NDUFAF7: variants seen among roughly 807,000 people sequenced by gnomAD.
NDUFAF7 encodes the protein protein arginine methyltransferase NDUFAF7, mitochondrial.
A neutral mutation model predicts 47.2 loss-of-function variants in NDUFAF7; 48 were observed. The observed-to-expected ratio is 1.02, with a 90% confidence interval of 0.81 to 1.29. The LOEUF is 1.29. Among genes scored for constraint, NDUFAF7 ranks in the 50% most tolerant of loss-of-function variants. The pLI is 0.00. For missense variants in NDUFAF7, 635 were observed against 537.6 expected (o/e 1.18, Z -1.79); for synonymous variants, 217 against 190.0 (o/e 1.14, Z -1.17).
chr2:37,255,710 TAAG>T (rs1417287798), downstream of NDUFAF7, among the ~76,000 whole-genome samples: 1 of 152,048 alleles, frequency 6.6e-6, no homozygotes, highest in Non-Finnish European at 1.5e-5. Context: ...AATGAATACT[TAAG>T]AAAAAAATGG....
chr2:37,269,440 T>G, the NDUFAF7 span: 4 of 602,790 alleles, frequency 6.6e-6, no homozygotes, highest in Non-Finnish European at 1.2e-5. Flanking sequence ...GCAATGACAT[T>G]AAGGGAAGAA....
chr2:37,247,093 A>C (rs1317325548), intron 8 of NDUFAF7, among the ~76,000 whole-genome samples: 1 of 151,876 alleles, frequency 6.6e-6, no homozygotes, highest in Non-Finnish European at 1.5e-5. Flanking sequence ...TCCCATAAGT[A>C]TGTTCACGTG....
chr2:37,264,773 A>G, the NDUFAF7 span, among the ~76,000 whole-genome samples: 1 of 152,136 alleles, frequency 6.6e-6, no homozygotes, highest in African/African-American at 2.4e-5. Context: ...TTTGTTGTGT[A>G]TATTGTCTGC....
downstream of NDUFAF7, chr2:37,253,228 T>C: frequency 6.2e-7 from 1 of 1,612,714 alleles, no homozygotes; most frequent in Non-Finnish European, 8.5e-7. Context: ...TGAAGTGCTT[T>C]GGGTATACAA....
chr2:37,257,240 G>C (rs896887077), downstream of NDUFAF7, among the ~76,000 whole-genome samples: 1 of 152,124 alleles, frequency 6.6e-6, no homozygotes, highest in Non-Finnish European at 1.5e-5. Flanking sequence ...AGAGTATGCT[G>C]CTTTCTATCA....
At chr2:37,269,223 T>C in the NDUFAF7 span, 3 of 208,000 alleles carry the variant, frequency 1.4e-5, no homozygotes, top group Non-Finnish European at 3.0e-5. Flanking sequence ...TCAGACTTAA[T>C]AGAACAATCA....
the NDUFAF7 span, among the ~76,000 whole-genome samples, chr2:37,270,981 T>C: frequency 2.6e-5 from 4 of 152,302 alleles, no homozygotes; most frequent in East Asian, 3.9e-4. Flanking sequence ...TATTCCTCCT[T>C]ATCTCCCCAA....
At position 37,241,939 on chromosome 2, in the gene NDUFAF7, A is replaced by G. The variant is rs892715803; in HGVS notation, c.622+148A>G. 7.6e-6 allele frequency: 5 copies of G among 660,152 alleles called. No homozygotes were observed. The African/African-American group carries it at 9.1e-5, about 12-fold the overall frequency. 40.9% of individuals were successfully genotyped at this position (660,152 alleles called of 1,614,324 possible). ...AGAGAGTAGCCTACTTTTTTCTAGA[A>G]AAGAGCATCTTAATAGAAAATAAAG... On this transcript the variant is annotated intron_variant, in intron 5 of 9. Coordinates refer to ENST00000002125, the MANE Select transcript of NDUFAF7 (RefSeq NM_144736.5).
chr2:37,238,602 A>G (rs1477250358), intron 4 of NDUFAF7, among the ~76,000 whole-genome samples: 3 of 152,128 alleles, frequency 2.0e-5, no homozygotes, highest in Non-Finnish European at 4.4e-5. Context: ...ATTAAAAAAA[A>G]AAAAAGCAGA....
chr2:37,269,062 T>A, the NDUFAF7 span: 1 of 154,398 alleles, frequency 6.5e-6, no homozygotes, highest in Non-Finnish European at 1.4e-5. Flanking sequence ...TACCTTTACA[T>A]ATATTAAGTT....
chr2:37,247,044 C>T (rs1318615618), intron 8 of NDUFAF7, among the ~76,000 whole-genome samples: 1 of 152,030 alleles, frequency 6.6e-6, no homozygotes, highest in African/African-American at 2.4e-5. Flanking sequence ...CCCTTGTTCC[C>T]CTCCTCCTGT....
chr2:37,265,951 G>C, the NDUFAF7 span, among the ~76,000 whole-genome samples: 1 of 152,100 alleles, frequency 6.6e-6, no homozygotes. Context: ...TCAATCCATA[G>C]GAATATATCC....
downstream of NDUFAF7, among the ~76,000 whole-genome samples, chr2:37,250,231 G>A (rs1415394171): frequency 2.0e-5 from 3 of 151,890 alleles, no homozygotes; most frequent in Non-Finnish European, 4.4e-5. Context: ...CTAGATTCCT[G>A]TATTTGTTTT....
At chr2:37,262,178 G>A in the NDUFAF7 span, among the ~76,000 whole-genome samples, 8 of 152,138 alleles carry the variant, frequency 5.3e-5, no homozygotes, top group Non-Finnish European at 7.4e-5. Flanking sequence ...AATATGGCTA[G>A]CTGATTATGC....
chr2:37,249,207 A>G (rs1033005778), downstream of NDUFAF7: 33 of 152,196 alleles, frequency 2.2e-4, no homozygotes, highest in Admixed American at 2.0e-3. Context: ...ACTTGCATAC[A>G]AAGTAAGGAA....
downstream of NDUFAF7, chr2:37,253,376 T>C: frequency 6.3e-7 from 1 of 1,575,506 alleles, no homozygotes; most frequent in Non-Finnish European, 8.6e-7. Context: ...ATTGTAATGA[T>C]GAAACAAAAG....
chr2:37,257,062 T>G (rs1668011684), downstream of NDUFAF7: 2 of 1,017,858 alleles, frequency 2.0e-6, no homozygotes, highest in Non-Finnish European at 2.8e-6. Context: ...TAATCACAGA[T>G]AAGGAAATTG....
At chr2:37,262,697 T>G in the NDUFAF7 span, among the ~76,000 whole-genome samples, 1 of 152,184 alleles carries the variant, frequency 6.6e-6, no homozygotes, top group African/African-American at 2.4e-5. Context: ...CTGCCCTCCT[T>G]TAAAAACACG....
the NDUFAF7 span, among the ~76,000 whole-genome samples, chr2:37,258,616 G>T: frequency 6.6e-6 from 1 of 152,160 alleles, no homozygotes; most frequent in Non-Finnish European, 1.5e-5. Context: ...AAGATCAAAT[G>T]AGATAATATA....
Sources: gnomAD v4.1 joint callset for allele counts (sites outside exome capture counted in the v4.1 genomes callset) on GRCh38, gnomAD v4.1.1 for gene constraint, MANE v1.5 for transcripts, NCBI Gene and HGNC (gene_info 2026-07-23, HGNC 2026-07-21) for gene names.